The following PCSK6 variants were observed in gnomAD, a reference collection of about 807,000 sequenced individuals.
PCSK6 encodes the protein paired basic amino acid cleaving enzyme 4.
In PCSK6, 85 loss-of-function variants were observed where a neutral mutation model predicts 123.3. That is an observed-to-expected ratio of 0.69 (90% CI 0.58 to 0.83). The LOEUF (loss-of-function observed/expected upper bound fraction) is 0.83, where lower values mean the gene tolerates loss of function less well. Ranked by LOEUF, PCSK6 falls within the 40% of genes least tolerant of loss-of-function variation. The pLI, the probability that PCSK6 is intolerant of heterozygous loss-of-function variation, is 0.00. For synonymous variants in PCSK6, 508 were observed against 516.0 expected, an observed-to-expected ratio of 0.98 and a Z score of 0.21; for missense variants, 1,191 against 1,282.3, an observed-to-expected ratio of 0.93 and a Z score of 1.09.
At chr15:101,334,705 G>A (rs1254587874) in intron 13 of PCSK6, among the ~76,000 whole-genome samples, 1 of 152,190 alleles carries the variant, frequency 6.6e-6, no homozygotes, top group East Asian at 1.9e-4. Flanking sequence ...TATAGAGGAT[G>A]TCTCCAAAAA....
chr15:101,416,497 G>C (rs2055891592), intron 6 of PCSK6, among the ~76,000 whole-genome samples: 3 of 152,228 alleles, frequency 2.0e-5, no homozygotes, highest in Non-Finnish European at 1.5e-5. Context: ...AGAAATTCAA[G>C]CCGGCTGCAG....
intron 10 of PCSK6, among the ~76,000 whole-genome samples, chr15:101,383,131 G>A (rs1196292731): frequency 4.0e-5 from 6 of 151,802 alleles, no homozygotes; most frequent in Non-Finnish European, 7.4e-5. Flanking sequence ...CAAACAGGTC[G>A]GGCACAGTGG....
At chr15:101,343,708 T>C (rs1203528687) in intron 13 of PCSK6, among the ~76,000 whole-genome samples, 4 of 152,252 alleles carry the variant, frequency 2.6e-5, no homozygotes, top group Non-Finnish European at 5.9e-5. Flanking sequence ...ATAGGGTTTA[T>C]ATGCTACCAA....
chr15:101,390,781 A>G (rs1283589659), intron 8 of PCSK6, among the ~76,000 whole-genome samples: 1 of 152,238 alleles, frequency 6.6e-6, no homozygotes, highest in Non-Finnish European at 1.5e-5. Flanking sequence ...TGGCCTCGTG[A>G]GACTCAAAGC....
intron 19 of PCSK6, among the ~76,000 whole-genome samples, chr15:101,316,108 G>T (rs1449340175): frequency 6.6e-6 from 1 of 152,234 alleles, no homozygotes; most frequent in Admixed American, 6.5e-5. Flanking sequence ...CCAGGGCACA[G>T]GAAGTAGGCA....
chr15:101,348,984 G>A (rs373808109), intron 13 of PCSK6, among the ~76,000 whole-genome samples: 1 of 152,234 alleles, frequency 6.6e-6, no homozygotes, highest in South Asian at 2.1e-4. Context: ...TGCCCCGATA[G>A]CTTATTCTGC....
At chr15:101,313,161 C>T (rs2039907333) in intron 20 of PCSK6, 7 of 1,488,858 alleles carry the variant, frequency 4.7e-6, no homozygotes, top group Non-Finnish European at 6.3e-6. Flanking sequence ...CCCGCTGCTG[C>T]ACGGTGTCTG....
At chr15:101,354,233 C>T (rs185693577) in intron 13 of PCSK6, among the ~76,000 whole-genome samples, 75 of 152,234 alleles carry the variant, frequency 4.9e-4, no homozygotes, top group African/African-American at 1.7e-3. Context: ...ACACATATAC[C>T]TAATGCCCAC....
chr15:101,373,586 A>G (rs2041648004), intron 11 of PCSK6, among the ~76,000 whole-genome samples: 1 of 152,214 alleles, frequency 6.6e-6, no homozygotes, highest in African/African-American at 2.4e-5. Flanking sequence ...TTAAGAAGAG[A>G]AATAAAAGAG....
At chr15:101,387,176 C>T (rs4497668) in intron 9 of PCSK6, among the ~76,000 whole-genome samples, 24,235 of 152,240 alleles carry the variant, frequency 0.16, 2,371 homozygotes, top group Non-Finnish European at 0.21. Context: ...CTGTTCTCCT[C>T]CTGCATCCAC....
At chr15:101,309,095 CCACACACTCAGCAGCTGAAAATAA>C (rs2039793326) in intron 20 of PCSK6, 1 of 152,584 alleles carries the variant, frequency 6.6e-6, no homozygotes, top group Non-Finnish European at 1.5e-5. Context: ...AACCAGGTTG[CCACACACTCAGCAGCTGAAAATAA>C]CACCCACTCA....
At position 101,398,278 on chromosome 15, in the gene PCSK6, A is replaced by G; in HGVS notation, c.996+126T>C. 8.4e-7 allele frequency: 1 copy of G among 1,189,944 alleles called. No individual in the cohort carries two copies. Among genetic ancestry groups the G allele is most frequent in the South Asian group, 1.6e-5 (1 of 61,012 alleles). The allele number at this position is 1,189,944 out of a possible 1,614,324, so 73.7% of individuals were successfully genotyped here. A position where few individuals can be genotyped will look rare whatever the true frequency, so the allele number is the denominator to read the frequency against. ...GTGACTCCTCCACACTGGCCCTGGC[A>G]CCTGTCACAGCAGAGTCTTCCCTGT... On this transcript the variant is annotated intron_variant, in intron 7 of 21. Coordinates refer to ENST00000611716, the MANE Select transcript of PCSK6 (RefSeq NM_002570.5). The surrounding 1 kb of genome is among the most constrained non-coding windows in gnomAD (Gnocchi z 4.6).
intron 6 of PCSK6, among the ~76,000 whole-genome samples, chr15:101,410,959 C>T (rs1408534856): frequency 6.6e-6 from 1 of 152,226 alleles, no homozygotes. Context: ...GTGTCACCAT[C>T]TGCACCACAG....
intron 6 of PCSK6, among the ~76,000 whole-genome samples, chr15:101,415,117 CA>C (rs2055841420): frequency 6.6e-6 from 1 of 152,190 alleles, no homozygotes; most frequent in South Asian, 2.1e-4. Flanking sequence ...AAAATGTGTA[CA>C]GCGAAAACGG....
intron 11 of PCSK6, among the ~76,000 whole-genome samples, chr15:101,374,114 C>T (rs145922698): frequency 1.5e-4 from 23 of 152,264 alleles, no homozygotes; most frequent in Middle Eastern, 6.8e-3. Flanking sequence ...GCAAATGCCA[C>T]GTGCCACGCA....
At chr15:101,358,386 T>C (rs1165438582) in intron 13 of PCSK6, among the ~76,000 whole-genome samples, 1 of 152,244 alleles carries the variant, frequency 6.6e-6, no homozygotes, top group Non-Finnish European at 1.5e-5. Flanking sequence ...TCCTTGTTTC[T>C]TTCAGCCGGA....
chr15:101,360,629 A>G (rs4387580), intron 13 of PCSK6, among the ~76,000 whole-genome samples: 250 of 40,504 alleles, frequency 6.2e-3, no homozygotes, highest in African/African-American at 0.016. Context: ...ACTCCTGCCC[A>G]GGGGCCTTAG....
rs117549894 is a variant in PCSK6, at chr15:101,346,890, G to A, written c.1859-14859C>T. On this transcript the variant is annotated intron_variant, in intron 13 of 21. Transcript: ENST00000611716. ...GCAGCAGTTGGTTGCATTTCTCCCCGAGATAAGTGGGGATACATACTTCTT... is the reference window on the plus strand; with the variant it reads ...GCAGCAGTTGGTTGCATTTCTCCCCAAGATAAGTGGGGATACATACTTCTT... 6,243 of 1,231,704 alleles carry A rather than the reference G, an allele frequency of 5.1e-3. 29 individuals are homozygous for A. Among genetic ancestry groups the A allele is most frequent in the Admixed American group, 0.01 (242 of 23,712 alleles). 76.3% of individuals were successfully genotyped at this position (1,231,704 alleles called of 1,614,324 possible). A position where few individuals can be genotyped will look rare whatever the true frequency, so the allele number is the denominator to read the frequency against.
At chr15:101,397,709 T>C (rs911411456) in intron 7 of PCSK6, among the ~76,000 whole-genome samples, 1 of 152,220 alleles carries the variant, frequency 6.6e-6, no homozygotes, top group African/African-American at 2.4e-5. Flanking sequence ...GCCACCCTGT[T>C]TGTAAGAACT....
Sources: allele counts gnomAD v4.1 joint callset (sites outside exome capture counted in the v4.1 genomes callset), GRCh38; gene constraint gnomAD v4.1.1; non-coding constraint Gnocchi (gnomAD v3.1); transcripts MANE v1.5; gene names NCBI Gene and HGNC (gene_info 2026-07-23, HGNC 2026-07-21).